The following CRISPLD2 variants were observed in gnomAD, a reference collection of about 807,000 sequenced individuals.
CRISPLD2 encodes cysteine rich secretory protein LCCL domain containing 2, also known as cysteine-rich secretory protein LCCL domain-containing 2.
A neutral mutation model predicts 71.1 loss-of-function variants in CRISPLD2; 47 were observed. That is an observed-to-expected ratio of 0.66 (90% CI 0.52 to 0.84). The LOEUF is 0.84. CRISPLD2 is among the 40% of genes least tolerant of loss of function. The pLI is 0.00. For missense variants in CRISPLD2, 830 were observed against 651.1 expected (o/e 1.27, Z -2.99); for synonymous variants, 317 against 250.1 (o/e 1.27, Z -2.52).
At chr16:84,893,728 A>G (rs1306174251) in intron 14 of CRISPLD2, among the ~76,000 whole-genome samples, 1 of 152,218 alleles carries the variant, frequency 6.6e-6, no homozygotes. Context: ...AGAACCCTGC[A>G]GAGACACCTG....
Position 84,892,305 on chromosome 16 carries a change from G to A in CRISPLD2, c.1439+2942G>A, listed in dbSNP as rs1033880909. On this transcript the variant is annotated intron_variant, in intron 14 of 14. Transcript: ENST00000262424. ...GTCTGAGCAGGTCCTCGGGGGCATC[G>A]TGCTGCATGCTCGACTGTGACAGCT... is the stretch of plus-strand genomic sequence containing the variant. Among the ~76,000 whole-genome samples the A allele has an allele frequency of 2.6e-5, 4 of 152,214 alleles. No homozygotes were observed. The East Asian group carries it at 5.8e-4, about 22-fold the overall frequency.
At chr16:84,892,523 C>G (rs1311724486) in intron 14 of CRISPLD2, among the ~76,000 whole-genome samples, 2 of 152,134 alleles carry the variant, frequency 1.3e-5, no homozygotes, top group South Asian at 2.1e-4. Flanking sequence ...CCTTGAGATT[C>G]TCAGCGCTGA....
intron 14 of CRISPLD2, among the ~76,000 whole-genome samples, chr16:84,902,074 C>G (rs183909375): frequency 4.7e-5 from 7 of 149,990 alleles, no homozygotes; most frequent in African/African-American, 1.5e-4. Flanking sequence ...GCTGGGATGA[C>G]AGGCGTGAGC....
chr16:84,872,362 G>T, intron 8 of CRISPLD2, 80 bp from the exon 9 acceptor site: 1 of 1,165,014 alleles, frequency 8.6e-7, no homozygotes, highest in South Asian at 1.3e-5. Flanking sequence ...TAGAGCCATC[G>T]ATGAAAAAAA....
At chr16:84,832,637 C>T (rs984988265) in intron 1 of CRISPLD2, among the ~76,000 whole-genome samples, 5 of 152,276 alleles carry the variant, frequency 3.3e-5, no homozygotes, top group Non-Finnish European at 5.9e-5. Context: ...GAATTCATCT[C>T]CCTGGCCTGG....
intron 6 of CRISPLD2, among the ~76,000 whole-genome samples, chr16:84,862,008 G>A (rs948592492): frequency 6.6e-6 from 1 of 152,214 alleles, no homozygotes; most frequent in Non-Finnish European, 1.5e-5. Context: ...CTAGTGGGAA[G>A]TACCTGCAAT....
chr16:84,845,738 C>G, intron 2 of CRISPLD2, 48 bp from the exon 3 acceptor site: 3 of 1,269,880 alleles, frequency 2.4e-6, no homozygotes, highest in Non-Finnish European at 3.4e-6. Flanking sequence ...GTTCTTATGC[C>G]CCTCCCTCAC....
At chr16:84,882,427 G>A (rs1228112405) in intron 13 of CRISPLD2, among the ~76,000 whole-genome samples, 1 of 134,920 alleles carries the variant, frequency 7.4e-6, no homozygotes, top group African/African-American at 2.7e-5. Flanking sequence ...TTCTTTTTTT[G>A]AGACAAGAGT....
intron 6 of CRISPLD2, 57 bp downstream of exon 6, chr16:84,854,886 C>G: frequency 7.6e-7 from 1 of 1,315,014 alleles, no homozygotes; most frequent in Non-Finnish European, 1.1e-6. Flanking sequence ...CTGAGTCATG[C>G]GACAGCGTTA....
At position 84,907,114 on chromosome 16, in the gene CRISPLD2, A is replaced by G. The variant is rs1332917430; in HGVS notation, c.*472A>G. ...GGAATGAAGTAGAAGGTAGTTATTT[A>G]AAAATAAAAAACACAGTCCGTCCCT... On this transcript the variant is annotated 3_prime_UTR_variant, in exon 15 of 15. Transcript: ENST00000262424. The G allele has an allele frequency of 5.6e-6, 1 of 179,560 alleles. No homozygotes were observed. Among genetic ancestry groups the G allele is most frequent in the Non-Finnish European group, 1.2e-5 (1 of 84,970 alleles). The allele number at this position is 179,560 out of a possible 1,614,324, so 11.1% of individuals were successfully genotyped here. A position where few individuals can be genotyped will look rare whatever the true frequency, so the allele number is the denominator to read the frequency against.
intron 11 of CRISPLD2, among the ~76,000 whole-genome samples, chr16:84,876,451 A>G (rs1815239932): frequency 6.6e-6 from 1 of 152,116 alleles, no homozygotes; most frequent in African/African-American, 2.4e-5. Context: ...GCAGTGAGCC[A>G]AGATCATGCC....
chr16:84,829,517 T>G (rs1916435204), intron 1 of CRISPLD2, among the ~76,000 whole-genome samples: 1 of 152,084 alleles, frequency 6.6e-6, no homozygotes, highest in Non-Finnish European at 1.5e-5. Flanking sequence ...CAGATCTGAG[T>G]TCTCCTTTGA....
chr16:84,878,510 T>G (rs553187580), intron 12 of CRISPLD2, among the ~76,000 whole-genome samples: 1 of 152,312 alleles, frequency 6.6e-6, no homozygotes, highest in South Asian at 2.1e-4. Context: ...GGAGCGTGTT[T>G]GTTTATTCTT....
At chr16:84,831,369 G>C (rs1282704393) in intron 1 of CRISPLD2, among the ~76,000 whole-genome samples, 3 of 152,060 alleles carry the variant, frequency 2.0e-5, no homozygotes, top group Non-Finnish European at 4.4e-5. Context: ...ATTCAGTAGA[G>C]GGTCCCCCTG....
chr16:84,889,076 C>T (rs533100916), intron 13 of CRISPLD2, among the ~76,000 whole-genome samples, 154 bp from the exon 14 acceptor site: 4 of 152,262 alleles, frequency 2.6e-5, no homozygotes, highest in South Asian at 2.1e-4. Flanking sequence ...GAGAGACCCC[C>T]AAGGCATCAA....
At position 84,838,576 on chromosome 16, in the gene CRISPLD2, C is replaced by A. The variant is rs139901174; in HGVS notation, c.81C>A (p.Asn27Lys). The A allele has an allele frequency of 1.2e-6, 2 of 1,614,120 alleles. No individual in the cohort carries two copies. Among genetic ancestry groups the A allele is most frequent in the African/African-American group, 2.7e-5 (2 of 74,938 alleles). ...GATCCCAAGGCTACCTCCTGCCCAA[C>A]GTCACTCTCTTAGAGGAGCTGCTCA... ...VCGSQGYLLP[N>K]VTLLEELLSK... The change falls in exon 2 of 15, where the codon AAC (asparagine) becomes AAA (lysine). Residue 27 changes from asparagine (N) to lysine (K), a missense_variant. Physicochemically the swap from Asn to Lys is moderately conservative, Grantham distance 94. Coordinates refer to ENST00000262424, the MANE Select transcript of CRISPLD2 (RefSeq NM_031476.4).
At chr16:84,862,257 C>T (rs1031268673) in intron 6 of CRISPLD2, among the ~76,000 whole-genome samples, 1 of 151,974 alleles carries the variant, frequency 6.6e-6, no homozygotes, top group Non-Finnish European at 1.5e-5. Context: ...GGCTGGAGTG[C>T]AGTGGCGTAA....
At chr16:84,825,645 A>G (rs1916333870) in intron 1 of CRISPLD2, among the ~76,000 whole-genome samples, 2 of 152,046 alleles carry the variant, frequency 1.3e-5, no homozygotes, top group East Asian at 1.9e-4. Context: ...AATCCCAGCT[A>G]CTTGGGAGGC....
At chr16:84,900,478 T>A (rs2071743494) in intron 14 of CRISPLD2, among the ~76,000 whole-genome samples, 2 of 151,928 alleles carry the variant, frequency 1.3e-5, no homozygotes, top group Non-Finnish European at 2.9e-5. Flanking sequence ...GAAAATGATA[T>A]CTGGATGCCA....
Sources: allele counts gnomAD v4.1 joint callset (sites outside exome capture counted in the v4.1 genomes callset), GRCh38; gene constraint gnomAD v4.1.1; transcripts MANE v1.5; gene names NCBI Gene and HGNC (gene_info 2026-07-23, HGNC 2026-07-21).